ANAPC7: variants seen among roughly 807,000 people sequenced by gnomAD.
ANAPC7 encodes anaphase promoting complex subunit 7.
In ANAPC7, 25 loss-of-function variants were observed where a neutral mutation model predicts 63.3. The observed-to-expected ratio is 0.39, with a 90% confidence interval of 0.29 to 0.55. ANAPC7 has a LOEUF of 0.55. Ranked by LOEUF, ANAPC7 falls within the 20% of genes least tolerant of loss-of-function variation. The pLI is 0.57. For missense variants in ANAPC7, 516 were observed against 691.7 expected (o/e 0.75, Z 2.85); for synonymous variants, 241 against 251.7 (o/e 0.96, Z 0.40).
At position 110,373,435 on chromosome 12, in the gene ANAPC7, G is replaced by C. The variant is rs939714373; in HGVS notation, c.*709C>G. On this transcript the variant is annotated 3_prime_UTR_variant, in exon 11 of 11. Coordinates refer to ENST00000455511, the MANE Select transcript of ANAPC7 (RefSeq NM_016238.3). ...TGCGAATAAGACAAAAATACTAAGA[G>C]TCTATTTTGAAAAGGGCTTCCATTC... 2 of 152,102 alleles carry C rather than the reference G, an allele frequency of 1.3e-5. No individual in the cohort carries two copies. Among genetic ancestry groups the C allele is most frequent in the African/African-American group, 4.8e-5 (2 of 41,400 alleles). The allele number at this position is 152,102 out of a possible 1,614,324, so 9.4% of individuals were successfully genotyped here. A position where few individuals can be genotyped will look rare whatever the true frequency, so the allele number is the denominator to read the frequency against.
chr12:110,398,817 T>C (rs945011777), intron 1 of ANAPC7, among the ~76,000 whole-genome samples: 2 of 151,782 alleles, frequency 1.3e-5, no homozygotes, highest in Admixed American at 6.6e-5. Context: ...TGGTGGCACA[T>C]GCCTGTAATC....
intron 10 of ANAPC7, 199 bp downstream of exon 10, chr12:110,375,867 C>T: frequency 7.7e-7 from 1 of 1,295,254 alleles, no homozygotes; most frequent in Non-Finnish European, 9.8e-7. Flanking sequence ...TGAAACAGTT[C>T]TCTAATGTTG....
chr12:110,394,745 C>T (rs1475601796), intron 3 of ANAPC7, among the ~76,000 whole-genome samples: 1 of 147,140 alleles, frequency 6.8e-6, no homozygotes, highest in Non-Finnish European at 1.5e-5. Flanking sequence ...ATTTGGGAGG[C>T]TGAGGTGGGA....
intron 4 of ANAPC7, among the ~76,000 whole-genome samples, chr12:110,388,139 C>T (rs1352727730): frequency 6.6e-6 from 1 of 152,120 alleles, no homozygotes; most frequent in Non-Finnish European, 1.5e-5. Flanking sequence ...TGGGTTCAAG[C>T]GATACTCATG....
At chr12:110,391,870 G>A (rs545336178) in intron 3 of ANAPC7, among the ~76,000 whole-genome samples, 10 of 152,168 alleles carry the variant, frequency 6.6e-5, no homozygotes, top group African/African-American at 2.2e-4. Flanking sequence ...CAAGGCAGGC[G>A]GATCACCTAA....
chr12:110,402,316 A>G (rs762383009), intron 1 of ANAPC7, among the ~76,000 whole-genome samples: 4 of 151,850 alleles, frequency 2.6e-5, no homozygotes, highest in African/African-American at 4.8e-5. Context: ...AAGAATTTTC[A>G]TAAGTGCAAT....
intron 6 of ANAPC7, among the ~76,000 whole-genome samples, chr12:110,384,932 A>G (rs1882320639): frequency 1.3e-5 from 2 of 152,122 alleles, no homozygotes; most frequent in South Asian, 4.1e-4. Flanking sequence ...ATTCCAGAAA[A>G]AAGCTTGTAG....
chr12:110,392,744 C>T (rs572551774), intron 3 of ANAPC7, among the ~76,000 whole-genome samples: 10 of 152,160 alleles, frequency 6.6e-5, no homozygotes, highest in Non-Finnish European at 1.5e-4. Context: ...TCACACTGCA[C>T]ACAGCTTGTA....
chr12:110,382,858 G>A lies in ANAPC7; in HGVS notation c.920C>T (p.Pro307Leu), dbSNP rs778044685. 2 of 1,613,080 alleles carry A rather than the reference G, an allele frequency of 1.2e-6. No individual in the cohort carries two copies. Among genetic ancestry groups the A allele is most frequent in the African/African-American group, 1.3e-5 (1 of 74,994 alleles). The change falls in exon 7 of 11, where the codon CCG becomes CTG. Residue 307 changes from proline to leucine, a missense_variant. Coordinates refer to ENST00000455511, the MANE Select transcript of ANAPC7 (RefSeq NM_016238.3). ...ATAATCATACCCAGAAACCACCCAC[G>A]GTTCTGCATGCTGATCAGAGATATT... ...LFNISDQHAE[P>L]WVVSGCHSFY...
chr12:110,384,796 C>T (rs1882308183), intron 6 of ANAPC7, among the ~76,000 whole-genome samples: 1 of 152,082 alleles, frequency 6.6e-6, no homozygotes, highest in South Asian at 2.1e-4. Flanking sequence ...TGGTGTGATA[C>T]ACAGCTACCC....
chr12:110,391,722 T>C (rs1468549108), intron 3 of ANAPC7, among the ~76,000 whole-genome samples: 1 of 152,182 alleles, frequency 6.6e-6, no homozygotes, highest in Non-Finnish European at 1.5e-5. Flanking sequence ...GTCCTACAAA[T>C]ATCCACAGGT....
At position 110,387,774 on chromosome 12, in the gene ANAPC7, G is replaced by A; in HGVS notation, c.639C>T (p.His213=). 6.2e-7 allele frequency: 1 copy of A among 1,613,954 alleles called. No individual in the cohort carries two copies. Among genetic ancestry groups the A allele is most frequent in the East Asian group, 2.2e-5 (1 of 44,864 alleles). Reference sequence around the variant, plus strand: ...TGATTGCTCTTGAGTTGTCACCAGTGTGCACAAAAGCATACGCTTTGATCC... The same window carrying A: ...TGATTGCTCTTGAGTTGTCACCAGTATGCACAAAAGCATACGCTTTGATCC... ...SVWIKAYAFV[H]TGDNSRAIST... Residue 213 remains histidine, a synonymous_variant, in exon 5 of 11, where the codon CAC becomes CAT. Coordinates refer to ENST00000455511, the MANE Select transcript of ANAPC7 (RefSeq NM_016238.3).
intron 1 of ANAPC7, among the ~76,000 whole-genome samples, chr12:110,403,254 AG>A (rs1335880025): frequency 6.6e-6 from 1 of 152,208 alleles, no homozygotes; most frequent in Non-Finnish European, 1.5e-5. Flanking sequence ...CAGGTGCCTC[AG>A]GAAACCCTCG....
At chr12:110,402,035 G>T (rs1311246497) in intron 1 of ANAPC7, among the ~76,000 whole-genome samples, 3 of 151,122 alleles carry the variant, frequency 2.0e-5, no homozygotes, top group Non-Finnish European at 4.4e-5. Flanking sequence ...AATTAGCTGG[G>T]CGTGTGGCGC....
intron 3 of ANAPC7, among the ~76,000 whole-genome samples, chr12:110,394,593 T>C (rs1182165882): frequency 5.1e-5 from 7 of 136,212 alleles, no homozygotes; most frequent in Non-Finnish European, 9.1e-5. Flanking sequence ...GCTATTGCAC[T>C]CCAGCCTGGG....
At chr12:110,382,756 G>T in intron 7 of ANAPC7, 87 bp downstream of exon 7, 1 of 1,159,846 alleles carries the variant, frequency 8.6e-7, no homozygotes, top group Non-Finnish European at 1.2e-6. Flanking sequence ...TCTTAAACCT[G>T]TGCTTTCAAT....
At chr12:110,394,401 CG>C (rs1189186155) in intron 3 of ANAPC7, among the ~76,000 whole-genome samples, 1 of 151,316 alleles carries the variant, frequency 6.6e-6, no homozygotes, top group East Asian at 2.0e-4. Context: ...CCGAGGTGGG[CG>C]GATCACCTGA....
chr12:110,391,825 TG>T (rs1183742675), intron 3 of ANAPC7, among the ~76,000 whole-genome samples: 8 of 152,142 alleles, frequency 5.3e-5, no homozygotes. Context: ...CCGGGCGTGG[TG>T]GCTCATGCCT....
chr12:110,382,571 TTTTA>T (rs201586482), intron 7 of ANAPC7, among the ~76,000 whole-genome samples: 67 of 149,118 alleles, frequency 4.5e-4, no homozygotes, highest in Middle Eastern at 3.4e-3. Flanking sequence ...CTCTTTTTAT[TTTTA>T]TTTATTTATT....
Sources: allele counts gnomAD v4.1 joint callset (sites outside exome capture counted in the v4.1 genomes callset), GRCh38; gene constraint gnomAD v4.1.1; transcripts MANE v1.5; gene names NCBI Gene and HGNC (gene_info 2026-07-23, HGNC 2026-07-21).